C10orf67: variants seen among roughly 807,000 people sequenced by gnomAD.
C10orf67 encodes uncharacterized protein C10orf67, mitochondrial.
Under a neutral mutation model 35.6 loss-of-function variants are expected in C10orf67, and 60 were observed. The ratio of observed to expected loss-of-function variants is 1.68; its 90% CI spans 1.37 to 2.09. C10orf67 has a LOEUF of 2.09. Among genes scored for constraint, C10orf67 ranks in the 30% most tolerant of loss-of-function variants. The pLI is 0.00. For synonymous variants in C10orf67, 167 were observed against 115.8 expected (o/e 1.44, Z -2.84); for missense variants, 474 against 330.2 (o/e 1.44, Z -3.38).
chr10:23,296,622 C>A (rs760183762), intron 5 of C10orf67, among the ~76,000 whole-genome samples: 1 of 152,068 alleles, frequency 6.6e-6, no homozygotes, highest in Admixed American at 6.6e-5. Flanking sequence ...TACTAGGGGT[C>A]GTGCAGTTGA....
intron 13 of C10orf67, among the ~76,000 whole-genome samples, chr10:23,239,248 C>G (rs979292567): frequency 6.6e-6 from 1 of 152,086 alleles, no homozygotes; most frequent in Non-Finnish European, 1.5e-5. Context: ...GTCAAATAGG[C>G]TAAATAATAG....
intron 4 of C10orf67, among the ~76,000 whole-genome samples, chr10:23,310,468 A>T (rs1392125802): frequency 3.3e-5 from 5 of 152,196 alleles, no homozygotes; most frequent in Admixed American, 6.5e-5. Context: ...GTGTCAATTG[A>T]CAGTAACCTG....
intron 5 of C10orf67, 121 bp from the exon 6 acceptor site, chr10:23,291,400 T>C (rs928380194): frequency 2.0e-5 from 12 of 586,180 alleles, no homozygotes; most frequent in African/African-American, 7.5e-5. Flanking sequence ...TACACACTTA[T>C]AAGAATAGTA....
chr10:23,286,415 G>A (rs1407341773), intron 7 of C10orf67, among the ~76,000 whole-genome samples: 12 of 55,338 alleles, frequency 2.2e-4, no homozygotes, highest in African/African-American at 8.6e-4. Context: ...GAAGGGGAGG[G>A]GAGGGGAGGG....
At chr10:23,299,229 T>C (rs900092709) in intron 5 of C10orf67, among the ~76,000 whole-genome samples, 1 of 152,204 alleles carries the variant, frequency 6.6e-6, no homozygotes. Flanking sequence ...AATTGGAGTA[T>C]TGCAGGGGCT....
chr10:23,324,614 C>G (rs1845109643), intron 2 of C10orf67, among the ~76,000 whole-genome samples: 1 of 152,208 alleles, frequency 6.6e-6, no homozygotes, highest in Admixed American at 6.5e-5. Flanking sequence ...CTAATAGCAG[C>G]AAATGCATTC....
At chr10:23,301,068 G>C (rs567543745) in intron 5 of C10orf67, among the ~76,000 whole-genome samples, 1 of 152,326 alleles carries the variant, frequency 6.6e-6, no homozygotes, top group South Asian at 2.1e-4. Flanking sequence ...GAAAGAAAAA[G>C]GTACATGCAC....
At chr10:23,208,056 T>C (rs1841205209) in intron 15 of C10orf67, among the ~76,000 whole-genome samples, 1 of 152,180 alleles carries the variant, frequency 6.6e-6, no homozygotes, top group Non-Finnish European at 1.5e-5. Flanking sequence ...ACACTCTTAA[T>C]ATGGAAGCGT....
intron 2 of C10orf67, among the ~76,000 whole-genome samples, chr10:23,325,041 A>G (rs1004900782): frequency 2.6e-5 from 4 of 152,290 alleles, no homozygotes; most frequent in Admixed American, 2.0e-4. Flanking sequence ...AAATCACTGT[A>G]AAAACTTTGA....
chr10:23,235,938 A>T (rs1842034381), intron 13 of C10orf67, among the ~76,000 whole-genome samples: 1 of 152,066 alleles, frequency 6.6e-6, no homozygotes, highest in African/African-American at 2.4e-5. Flanking sequence ...AACATGGTGA[A>T]ATCTGTCTCC....
chr10:23,323,942 T>C lies in C10orf67; in HGVS notation c.328-1405A>G, dbSNP rs1165779162. 1.0e-3 allele frequency among the ~76,000 whole-genome samples: 52 copies of C among 50,262 alleles called. 3 individuals carry two copies. The highest frequency in any genetic ancestry group is 1.3e-3 in the Non-Finnish European group (38 of 29,664). The allele number at this position is 50,262 out of a possible 152,430, so 33.0% of individuals were successfully genotyped here. The stretch of plus-strand genomic sequence containing the variant: ...ATATATATATATATATATATATATA[T>C]ATATATATATACACACACACACACA... On this transcript the variant is annotated intron_variant, in intron 2 of 15. Coordinates refer to ENST00000636213, the MANE Select transcript of C10orf67 (RefSeq NM_001371909.1).
At chr10:23,311,718 A>AG (rs2132308497) in intron 4 of C10orf67, among the ~76,000 whole-genome samples, 1 of 7,884 alleles carries the variant, frequency 1.3e-4, no homozygotes, top group Non-Finnish European at 2.3e-4. Context: ...TCTCAAAGAA[A>AG]AAAAAAAAGA....
At chr10:23,246,851 G>T (rs1421107824) in intron 12 of C10orf67, among the ~76,000 whole-genome samples, 1 of 152,112 alleles carries the variant, frequency 6.6e-6, no homozygotes, top group Non-Finnish European at 1.5e-5. Flanking sequence ...TTGAGACAGG[G>T]TCTCACTCTG....
chr10:23,247,425 T>G (rs1379282443), intron 12 of C10orf67, among the ~76,000 whole-genome samples: 2 of 152,222 alleles, frequency 1.3e-5, no homozygotes. Context: ...TGTGCAGGTT[T>G]GTAGCCTAGG....
At chr10:23,239,970 C>T (rs1842141452) in intron 12 of C10orf67, among the ~76,000 whole-genome samples, 154 bp from the exon 13 acceptor site, 1 of 152,124 alleles carries the variant, frequency 6.6e-6, no homozygotes. Context: ...CTACCTCTTT[C>T]ATTTTTAAAA....
chr10:23,288,598 T>TA (rs1843616246), intron 7 of C10orf67, among the ~76,000 whole-genome samples: 2 of 152,126 alleles, frequency 1.3e-5, no homozygotes, highest in South Asian at 4.2e-4. Flanking sequence ...TTAGAAGAAA[T>TA]AAAAGACAAA....
chr10:23,301,137 T>C (rs879007788), intron 5 of C10orf67, among the ~76,000 whole-genome samples: 1 of 152,174 alleles, frequency 6.6e-6, no homozygotes, highest in Non-Finnish European at 1.5e-5. Flanking sequence ...TCGGGGAATA[T>C]GGGTCAGAAG....
chr10:23,210,450 T>C (rs1841277531), intron 15 of C10orf67, among the ~76,000 whole-genome samples: 1 of 152,100 alleles, frequency 6.6e-6, no homozygotes, highest in African/African-American at 2.4e-5. Flanking sequence ...GATGAAGTCT[T>C]GCCCTGTCAC....
chr10:23,234,419 G>A (rs539853969), intron 13 of C10orf67, among the ~76,000 whole-genome samples: 11 of 152,180 alleles, frequency 7.2e-5, no homozygotes, highest in South Asian at 4.2e-4. Flanking sequence ...AAAATAATGC[G>A]GGAACAGAAA....
Sources: allele counts gnomAD v4.1 joint callset (sites outside exome capture counted in the v4.1 genomes callset), GRCh38; gene constraint gnomAD v4.1.1; transcripts MANE v1.5; gene names NCBI Gene and HGNC (gene_info 2026-07-23, HGNC 2026-07-21).